The following GRID2 variants were observed in gnomAD, a reference collection of about 807,000 sequenced individuals.
GRID2 encodes glutamate ionotropic receptor delta type subunit 2.
In GRID2, 33 loss-of-function variants were observed where a neutral mutation model predicts 114.8. The observed-to-expected ratio is 0.29, with a 90% CI of 0.22 to 0.38. GRID2 has a LOEUF of 0.38. Ranked by LOEUF, GRID2 falls within the 10% of genes least tolerant of loss-of-function variation. GRID2 has a pLI of 1.00. For synonymous variants in GRID2, 505 were observed against 449.9 expected, an observed-to-expected ratio of 1.12 and a Z score of -1.55; for missense variants, 1,184 against 1,257.7, an observed-to-expected ratio of 0.94 and a Z score of 0.89.
At chr4:92,771,240 A>G (rs1738529087) in intron 2 of GRID2, among the ~76,000 whole-genome samples, 1 of 152,224 alleles carries the variant, frequency 6.6e-6, no homozygotes, top group Non-Finnish European at 1.5e-5. Context: ...TAGTATCACA[A>G]GAAATGCCAT....
chr4:92,765,285 T>C (rs898166997), intron 2 of GRID2, among the ~76,000 whole-genome samples: 1 of 152,222 alleles, frequency 6.6e-6, no homozygotes. Context: ...CACATGGAAC[T>C]AATTTCAGAG....
chr4:93,551,280 T>C (rs1017889379), intron 13 of GRID2, among the ~76,000 whole-genome samples: 1 of 152,080 alleles, frequency 6.6e-6, no homozygotes, highest in Non-Finnish European at 1.5e-5. Context: ...AGACAGGAAG[T>C]GCTAAGCTGG....
rs188331173 is a variant in GRID2 at position 92,345,899 on chromosome 4, C to A, written c.88+41155C>A. ...ATAATCAGCATATTCAATCATCAATCTTTTTAGTATACAAATGATACAAAG... is the reference window on the plus strand; with the variant it reads ...ATAATCAGCATATTCAATCATCAATATTTTTAGTATACAAATGATACAAAG... On this transcript the variant is annotated intron_variant, in intron 1 of 15. Coordinates refer to ENST00000282020, the MANE Select transcript of GRID2 (RefSeq NM_001510.4). Among the ~76,000 whole-genome samples the A allele has an allele frequency of 1.4e-4, 21 of 152,250 alleles. No individual in the cohort carries two copies. In the East Asian group the frequency reaches 3.1e-3, roughly 22 times the overall value.
At chr4:93,323,220 C>T (rs185707106) in intron 8 of GRID2, among the ~76,000 whole-genome samples, 21 of 151,920 alleles carry the variant, frequency 1.4e-4, no homozygotes, top group South Asian at 1.2e-3. Context: ...AATTAATTAT[C>T]GTATAAGGTG....
intron 8 of GRID2, among the ~76,000 whole-genome samples, chr4:93,385,682 A>G (rs765628915): frequency 7.3e-5 from 11 of 151,720 alleles, no homozygotes; most frequent in Non-Finnish European, 1.5e-4. Context: ...ACTTACATCA[A>G]TGTTTATATA....
chr4:93,076,398 T>C (rs560940551), intron 2 of GRID2, among the ~76,000 whole-genome samples: 3 of 152,200 alleles, frequency 2.0e-5, no homozygotes, highest in Admixed American at 1.3e-4. Context: ...TATGATGACA[T>C]TGGAAGTTTT....
At chr4:93,019,796 T>G (rs1386764214) in intron 2 of GRID2, among the ~76,000 whole-genome samples, 2 of 152,144 alleles carry the variant, frequency 1.3e-5, no homozygotes, top group Non-Finnish European at 2.9e-5. Context: ...GGTCATCGTT[T>G]TAAGAGAGAT....
Position 93,085,264 on chromosome 4 carries a change from T to A in GRID2, c.514T>A (p.Tyr172Asn), listed in dbSNP as rs1730231218. The A allele has an allele frequency of 1.2e-6, 2 of 1,610,558 alleles. No individual in the cohort carries two copies. The highest frequency in any genetic ancestry group is 4.5e-5 in the East Asian group (2 of 44,866). Residue 172 changes from tyrosine (Y) to asparagine (N), a missense_variant, in exon 3 of 16, where the codon TAT becomes AAT. By Grantham distance (143) the Tyr-to-Asn change is moderately radical. Around this residue, in one of 3 missense-constraint regions of GRID2, gnomAD observed 455 missense variants for 429.5 expected, o/e 1.06. Transcript: ENST00000282020. ...EYAWQKFIIF[Y>N]DSEYDIRGIQ... ...TGCCTGGCAGAAATTCATTATATTC[T>A]ATGATAGTGAATACGGTAAGTGTTT... is the stretch of plus-strand genomic sequence containing the variant.
At chr4:92,688,362 A>G (rs1286903413) in intron 2 of GRID2, among the ~76,000 whole-genome samples, 2 of 151,670 alleles carry the variant, frequency 1.3e-5, no homozygotes, top group African/African-American at 4.8e-5. Context: ...CTCTTCTTTC[A>G]CAAAAGATTT....
chr4:93,802,418 GAGAA>G lies in GRID2; in HGVS notation c.222-4293_222-4290del, dbSNP rs199528439. ...TGAGTGTGTGTGTGTGACAGAGAGAGAGAAAGAGAGAGAGAGATGTATTGAACAT... is the reference window on the plus strand; with the variant it reads ...TGAGTGTGTGTGTGTGACAGAGAGAGAGAGAGAGAGAGATGTATTGAACAT... On this transcript the variant is annotated intron_variant, in intron 1 of 1. Coordinates refer to the GRID2 transcript ENST00000637838. 3.0e-3 allele frequency among the ~76,000 whole-genome samples: 448 copies of G among 151,450 alleles called. 1 individual carries two copies. Among genetic ancestry groups the G allele is most frequent in the Admixed American group, 4.5e-3 (68 of 15,226 alleles).
chr4:92,403,711 A>G (rs1391966267), intron 1 of GRID2, among the ~76,000 whole-genome samples: 20 of 149,104 alleles, frequency 1.3e-4, no homozygotes, highest in South Asian at 2.1e-4. Flanking sequence ...TAAATAAATA[A>G]ATAAATAAAT....
intron 1 of GRID2, among the ~76,000 whole-genome samples, chr4:92,507,868 G>A (rs1451364894): frequency 7.9e-5 from 12 of 151,840 alleles, no homozygotes; most frequent in Admixed American, 7.9e-4. Context: ...TGCCATGTTT[G>A]TAGCAAGCCC....
In GRID2 at chr4:92,522,247, G is replaced by T. The variant is rs1724822071; in HGVS notation, c.89-67884G>T. ...AGAACACATATTCTAAGGTTAAATTGTGCCTTGCAATGTCAGGCTGAAGGA... is the reference window on the plus strand; with the variant it reads ...AGAACACATATTCTAAGGTTAAATTTTGCCTTGCAATGTCAGGCTGAAGGA... On this transcript the variant is annotated intron_variant, in intron 1 of 15. Transcript: ENST00000282020. 2.0e-5 allele frequency among the ~76,000 whole-genome samples: 3 copies of T among 152,024 alleles called. No individual in the cohort carries two copies. The South Asian group carries it at 6.2e-4, about 32-fold the overall frequency.
chr4:93,214,150 A>T (rs1190837288), intron 5 of GRID2, among the ~76,000 whole-genome samples: 1 of 152,046 alleles, frequency 6.6e-6, no homozygotes, highest in Non-Finnish European at 1.5e-5. Context: ...AGATTAAGAT[A>T]TTTAATGGTG....
At chr4:92,399,281 C>T (rs530392449) in intron 1 of GRID2, among the ~76,000 whole-genome samples, 2 of 152,096 alleles carry the variant, frequency 1.3e-5, no homozygotes. Flanking sequence ...TGTTTGTGCT[C>T]CATTGACTGC....
chr4:92,403,913 T>G (rs1183647790), intron 1 of GRID2, among the ~76,000 whole-genome samples: 1 of 152,086 alleles, frequency 6.6e-6, no homozygotes, highest in Non-Finnish European at 1.5e-5. Flanking sequence ...AATATTTATC[T>G]ATTAAGTTTA....
intron 2 of GRID2, among the ~76,000 whole-genome samples, chr4:93,080,449 C>T (rs73837390): frequency 2.6e-5 from 4 of 152,070 alleles, no homozygotes; most frequent in African/African-American, 4.8e-5. Flanking sequence ...AGTTACAATC[C>T]GCCAGGCTAC....
chr4:92,442,098 G>A (rs2149068340), intron 1 of GRID2, among the ~76,000 whole-genome samples: 1 of 146,230 alleles, frequency 6.8e-6, no homozygotes, highest in South Asian at 2.3e-4. Flanking sequence ...TTGAAAAGAA[G>A]GTAATGTGGA....
chr4:92,751,420 C>T (rs965023741), intron 2 of GRID2, among the ~76,000 whole-genome samples: 11 of 152,018 alleles, frequency 7.2e-5, no homozygotes, highest in Non-Finnish European at 1.5e-4. Context: ...TCTAAATATA[C>T]ATCAAAATAA....
Sources: allele counts gnomAD v4.1 joint callset (sites outside exome capture counted in the v4.1 genomes callset), GRCh38; gene constraint gnomAD v4.1.1; regional missense constraint gnomAD v4.1.1; transcripts MANE v1.5; gene names NCBI Gene and HGNC (gene_info 2026-07-23, HGNC 2026-07-21).